Variants in INSL6 observed in about 807,000 individuals in gnomAD.
The protein encoded by INSL6 is insulin like 6.
INSL6 carries 16 observed loss-of-function variants against 9.4 expected under a neutral mutation model. The observed-to-expected ratio is 1.70, with a 90% CI of 1.15 to 2.59. The LOEUF is 2.59. Among genes scored for constraint, INSL6 ranks in the 30% most tolerant of loss-of-function variants. The pLI, the probability that INSL6 is intolerant of heterozygous loss-of-function variation, is 0.00. For missense variants in INSL6, 391 were observed against 257.3 expected, an observed-to-expected ratio of 1.52 and a Z score of -3.56; for synonymous variants, 154 against 96.9, an observed-to-expected ratio of 1.59 and a Z score of -3.46.
the INSL6 span, among the ~76,000 whole-genome samples, chr9:5,105,761 C>T: frequency 3.9e-5 from 6 of 152,192 alleles, no homozygotes; most frequent in African/African-American, 1.4e-4. Context: ...TAACACCACA[C>T]ATCTACAACC....
chr9:5,154,092 C>A (rs995064524), intron 2 of INSL6, among the ~76,000 whole-genome samples: 5 of 152,132 alleles, frequency 3.3e-5, no homozygotes, highest in Non-Finnish European at 7.3e-5. Context: ...GCTACAGTAA[C>A]AGAAACAGCA....
chr9:5,173,047 C>T (rs1825217667), intron 1 of INSL6, among the ~76,000 whole-genome samples: 1 of 151,818 alleles, frequency 6.6e-6, no homozygotes, highest in South Asian at 2.1e-4. Context: ...TAGAGAAATG[C>T]AAATCAAAAT....
the INSL6 span, among the ~76,000 whole-genome samples, chr9:5,082,667 G>T: frequency 6.6e-6 from 1 of 152,238 alleles, no homozygotes; most frequent in Non-Finnish European, 1.5e-5. Context: ...AGAAACCTTG[G>T]ACATTACCCG....
At chr9:5,111,853 CT>C in the INSL6 span, 73 of 395,362 alleles carry the variant, frequency 1.8e-4, no homozygotes, top group Non-Finnish European at 2.8e-4. Flanking sequence ...GGCCGACAAC[CT>C]CCTGGGCTCC....
At chr9:5,085,079 T>C in the INSL6 span, 3 of 676,916 alleles carry the variant, frequency 4.4e-6, no homozygotes, top group South Asian at 1.4e-5. Flanking sequence ...CTCTCTCTTA[T>C]TGCTTCATGG....
At chr9:5,003,481 G>A in the INSL6 span, among the ~76,000 whole-genome samples, 3,734 of 151,798 alleles carry the variant, frequency 0.025, 84 homozygotes, top group Admixed American at 0.06. Flanking sequence ...TGTTACTATT[G>A]TAAATGATAC....
intron 2 of INSL6, among the ~76,000 whole-genome samples, chr9:5,148,447 T>G (rs1824645324): frequency 6.6e-6 from 1 of 152,104 alleles, no homozygotes; most frequent in Non-Finnish European, 1.5e-5. Context: ...CTCATGGACT[T>G]TGGGGGAGCC....
intron 3 of INSL6, chr9:5,126,406 A>C: frequency 6.2e-7 from 1 of 1,610,986 alleles, no homozygotes; most frequent in Non-Finnish European, 8.5e-7. Context: ...CTTTTGAAGA[A>C]TAATGGAAGA....
the INSL6 span, chr9:5,070,131 C>T: frequency 7.0e-6 from 7 of 1,003,230 alleles, no homozygotes; most frequent in Non-Finnish European, 1.0e-5. Flanking sequence ...ATTCATGTGA[C>T]ATTGGAATTA....
At chr9:5,112,775 G>C in the INSL6 span, 2 of 598,474 alleles carry the variant, frequency 3.3e-6, no homozygotes. Flanking sequence ...GCGCGTGTTC[G>C]GAGGCCCCCA....
chr9:5,171,878 A>G (rs1825189451), intron 1 of INSL6, among the ~76,000 whole-genome samples: 1 of 152,236 alleles, frequency 6.6e-6, no homozygotes, highest in African/African-American at 2.4e-5. Flanking sequence ...ATGGATAGGA[A>G]GAATCAATAT....
chr9:5,062,214 T>C, the INSL6 span, among the ~76,000 whole-genome samples: 1 of 151,962 alleles, frequency 6.6e-6, no homozygotes, highest in Non-Finnish European at 1.5e-5. Context: ...ACATTTTGCA[T>C]ATATGGGTTC....
At chr9:5,172,469 TTAAAC>T (rs1490369951) in intron 1 of INSL6, among the ~76,000 whole-genome samples, 1 of 152,154 alleles carries the variant, frequency 6.6e-6, no homozygotes, top group East Asian at 1.9e-4. Flanking sequence ...TAAGATCTAA[TTAAAC>T]TAAAGAACTT....
At chr9:5,049,971 C>T in the INSL6 span, among the ~76,000 whole-genome samples, 1 of 152,052 alleles carries the variant, frequency 6.6e-6, no homozygotes, top group Non-Finnish European at 1.5e-5. Flanking sequence ...CTTATGGAAC[C>T]ATCGTTATAT....
At chr9:5,065,177 A>G in the INSL6 span, 9 of 463,854 alleles carry the variant, frequency 1.9e-5, no homozygotes, top group East Asian at 2.7e-4. Flanking sequence ...GCTATTTGCA[A>G]TCAGATTACA....
At chr9:4,998,637 T>C in the INSL6 span, among the ~76,000 whole-genome samples, 2 of 152,068 alleles carry the variant, frequency 1.3e-5, no homozygotes, top group East Asian at 3.9e-4. Flanking sequence ...TTGTGAATTA[T>C]AAATCTGGCT....
At chr9:5,004,133 T>C in the INSL6 span, among the ~76,000 whole-genome samples, 1 of 152,212 alleles carries the variant, frequency 6.6e-6, no homozygotes, top group Non-Finnish European at 1.5e-5. Context: ...ACTTATCTTT[T>C]GTGGTGAGAA....
At chr9:5,054,847 G>C in the INSL6 span, 3 of 1,609,618 alleles carry the variant, frequency 1.9e-6, no homozygotes, top group Non-Finnish European at 2.5e-6. This position sits in a 1 kb window ranked among gnomAD's most constrained non-coding sequence, Gnocchi z 4.9. Flanking sequence ...CAGTGGTCAA[G>C]AGGGAAACAT....
At chr9:5,095,811 T>C in the INSL6 span, among the ~76,000 whole-genome samples, 1 of 152,194 alleles carries the variant, frequency 6.6e-6, no homozygotes, top group African/African-American at 2.4e-5. Flanking sequence ...TACTAACTTA[T>C]AATCCAAACG....
Sources: gnomAD v4.1 joint callset for allele counts (sites outside exome capture counted in the v4.1 genomes callset) on GRCh38, gnomAD v4.1.1 for gene constraint, Gnocchi (gnomAD v3.1) non-coding constraint, MANE v1.5 for transcripts, NCBI Gene and HGNC (gene_info 2026-07-23, HGNC 2026-07-21) for gene names.